Variants in CYREN observed in about 807,000 individuals in gnomAD.
CYREN encodes the protein cell cycle regulator of NHEJ, also known as cell cycle regulator of non-homologous end joining.
Under a neutral mutation model 9.7 loss-of-function variants are expected in CYREN, and 7 were observed. The ratio of observed to expected loss-of-function variants is 0.72; its 90% CI spans 0.41 to 1.36. The LOEUF (loss-of-function observed/expected upper bound fraction) is 1.36. CYREN is among the 40% of genes most tolerant of loss of function. The probability of loss-of-function intolerance (pLI) is 0.01; values close to 1 mark genes in which losing one functional copy is unlikely to be tolerated. For synonymous variants in CYREN, 76 were observed against 77.9 expected, an observed-to-expected ratio of 0.98 and a Z score of 0.13; for missense variants, 215 against 198.1, an observed-to-expected ratio of 1.09 and a Z score of -0.51.
Position 135,152,630 on chromosome 7 carries a change from A to G in CYREN, n.356+16119T>C, listed in dbSNP as rs187778831. Reference sequence around the variant, plus strand: ...TTTTGAGGTCTGTTTTTAATTATTAATAAGTTCTCACTAAAGTTAGATTCC... The same window carrying G: ...TTTTGAGGTCTGTTTTTAATTATTAGTAAGTTCTCACTAAAGTTAGATTCC... On this transcript the variant is annotated intron_variant and non_coding_transcript_variant, in intron 2 of 2. Coordinates refer to the CYREN transcript ENST00000459937. 2.0e-5 allele frequency among the ~76,000 whole-genome samples: 3 copies of G among 152,352 alleles called. 1 individual carries two copies. Among genetic ancestry groups the G allele is most frequent in the Admixed American group, 2.0e-4 (3 of 15,306 alleles).
chr7:135,158,063 C>T (rs1829838656), intron 2 of CYREN, among the ~76,000 whole-genome samples: 1 of 152,040 alleles, frequency 6.6e-6, no homozygotes, highest in South Asian at 2.1e-4. Flanking sequence ...TTCCTTGTTT[C>T]TCCTTGACTG....
chr7:135,122,294 C>T (rs185531314), intron 2 of CYREN, among the ~76,000 whole-genome samples: 11 of 152,276 alleles, frequency 7.2e-5, no homozygotes, highest in African/African-American at 2.6e-4. Flanking sequence ...CCTCTTCAGG[C>T]CTGACCCTGA....
chr7:135,094,758 C>T (rs1822398944), intron 2 of CYREN, among the ~76,000 whole-genome samples: 1 of 152,130 alleles, frequency 6.6e-6, no homozygotes, highest in African/African-American at 2.4e-5. Context: ...GAGACCATAC[C>T]ACCCAAGAGG....
At chr7:135,115,702 A>G (rs1456532169) in intron 2 of CYREN, 3 of 1,115,980 alleles carry the variant, frequency 2.7e-6, no homozygotes, top group African/African-American at 3.2e-5. Flanking sequence ...ACGAAAAAAA[A>G]ATCTGCTCTT....
At chr7:135,138,839 G>A (rs1261179341) in intron 2 of CYREN, among the ~76,000 whole-genome samples, 1 of 151,904 alleles carries the variant, frequency 6.6e-6, no homozygotes, top group African/African-American at 2.4e-5. Flanking sequence ...GTGAGAACTT[G>A]TGGCATTTGG....
chr7:135,130,186 C>T (rs187774652), intron 2 of CYREN, among the ~76,000 whole-genome samples: 1 of 152,316 alleles, frequency 6.6e-6, no homozygotes, highest in African/African-American at 2.4e-5. Context: ...TTCTTACCAA[C>T]CTAAATTTCT....
chr7:135,157,101 C>T (rs1407651353), intron 2 of CYREN, among the ~76,000 whole-genome samples: 2 of 152,200 alleles, frequency 1.3e-5, no homozygotes, highest in African/African-American at 4.8e-5. Context: ...TCTTTATCAG[C>T]AGTGTGAAAA....
intron 2 of CYREN, among the ~76,000 whole-genome samples, chr7:135,116,385 CAA>C (rs1826315136): frequency 6.6e-6 from 1 of 152,068 alleles, no homozygotes; most frequent in Non-Finnish European, 1.5e-5. Context: ...ACTTAATATA[CAA>C]AGAGTGCTTA....
chr7:135,165,398 T>TAA (rs1225503324), downstream of CYREN: 1 of 186,588 alleles, frequency 5.4e-6, no homozygotes, highest in African/African-American at 2.4e-5. Context: ...GCAAAGAACT[T>TAA]ACGGCAACAA....
intron 2 of CYREN, chr7:135,148,193 G>A (rs1351761249): frequency 4.6e-6 from 2 of 432,854 alleles, no homozygotes; most frequent in Non-Finnish European, 9.1e-6. Context: ...CCAGCGAGAA[G>A]GAAGATTCAA....
At position 135,128,929 on chromosome 7, in the gene CYREN, A is replaced by G. The variant is rs899792830; in HGVS notation, n.357-34347T>C. The G allele has an allele frequency of 2.6e-6, 4 of 1,541,556 alleles. No individual in the cohort carries two copies. In the East Asian group the frequency reaches 6.7e-5, roughly 26 times the overall value. On this transcript the variant is annotated intron_variant and non_coding_transcript_variant, in intron 2 of 2. Coordinates refer to the CYREN transcript ENST00000459937. ...TTTAATAGTAATTTGTTCCTGTGCA[A>G]TATCTGTTTCTGTAAGAAGCTGGGT...
intron 2 of CYREN, among the ~76,000 whole-genome samples, chr7:135,139,206 T>C (rs987584558): frequency 6.6e-6 from 1 of 152,102 alleles, no homozygotes; most frequent in African/African-American, 2.4e-5. Context: ...TGTACATTCC[T>C]GCCAACAGTG....
At chr7:135,144,083 A>G (rs898637027) in intron 2 of CYREN, among the ~76,000 whole-genome samples, 4 of 152,208 alleles carry the variant, frequency 2.6e-5, no homozygotes, top group Non-Finnish European at 4.4e-5. Context: ...TTTGAGGCTA[A>G]TGAGGCCAAG....
chr7:135,110,403 G>A (rs1360375327), intron 2 of CYREN, among the ~76,000 whole-genome samples: 1 of 152,244 alleles, frequency 6.6e-6, no homozygotes, highest in East Asian at 1.9e-4. Flanking sequence ...AGCTCCTGGG[G>A]CTCTGTATAT....
chr7:135,165,246 CA>C, downstream of CYREN: 1 of 449,772 alleles, frequency 2.2e-6, no homozygotes, highest in Non-Finnish European at 4.1e-6. Context: ...CTAAACCATG[CA>C]GCTCATTGTC....
Position 135,096,840 on chromosome 7 carries a change from C to A in CYREN, n.357-2258G>T, listed in dbSNP as rs192029331. The stretch of plus-strand genomic sequence containing the variant: ...ACATGGCTATTCTTTTAATGACTGG[C>A]GGAAGAACATATACAACTAGGAAGA... On this transcript the variant is annotated intron_variant and non_coding_transcript_variant, in intron 2 of 2. Transcript: ENST00000459937. Among the ~76,000 whole-genome samples the A allele has an allele frequency of 6.3e-3, 955 of 151,626 alleles. 7 individuals carry two copies. The highest frequency in any genetic ancestry group is 0.017 in the Admixed American group (253 of 15,238).
intron 2 of CYREN, 176 bp from the exon 3 acceptor site, chr7:135,167,983 G>C (rs1329207029): frequency 8.8e-7 from 1 of 1,136,562 alleles, no homozygotes; most frequent in East Asian, 2.6e-5. Context: ...TTGCAGCCCA[G>C]TGACTGGCAC....
intron 2 of CYREN, among the ~76,000 whole-genome samples, chr7:135,159,273 T>G (rs1446810902): frequency 6.6e-6 from 1 of 152,252 alleles, no homozygotes; most frequent in East Asian, 1.9e-4. Context: ...TACCTGTGTT[T>G]AGATAGCCAT....
At chr7:135,154,701 G>A (rs1829745756) in intron 2 of CYREN, among the ~76,000 whole-genome samples, 1 of 152,072 alleles carries the variant, frequency 6.6e-6, no homozygotes, top group Non-Finnish European at 1.5e-5. Context: ...TTCCACTGTG[G>A]TCTGAGAAGA....
Sources: gnomAD v4.1 joint callset for allele counts (sites outside exome capture counted in the v4.1 genomes callset) on GRCh38, gnomAD v4.1.1 for gene constraint, MANE v1.5 for transcripts, NCBI Gene and HGNC (gene_info 2026-07-23, HGNC 2026-07-21) for gene names.